Variants in SCRG1 observed in about 807,000 individuals in gnomAD.
SCRG1 encodes scrapie-responsive protein 1.
In SCRG1, 3 loss-of-function variants were observed where a neutral mutation model predicts 7.7. The ratio of observed to expected loss-of-function variants is 0.39; its 90% CI spans 0.18 to 1.01. The LOEUF (loss-of-function observed/expected upper bound fraction) is 1.01, where lower values mean the gene tolerates loss of function less well. Among genes scored for constraint, SCRG1 ranks in the 50% least tolerant of loss-of-function variants. The pLI, the probability that SCRG1 is intolerant of heterozygous loss-of-function variation, is 0.36. For missense variants in SCRG1, 110 were observed against 117.2 expected (o/e 0.94, Z 0.28); for synonymous variants, 46 against 41.2 (o/e 1.12, Z -0.44).
At chr4:173,455,109 G>T in the SCRG1 span, among the ~76,000 whole-genome samples, 2 of 151,710 alleles carry the variant, frequency 1.3e-5, no homozygotes, top group Non-Finnish European at 2.9e-5. Context: ...ACCCTCTGGG[G>T]GCCTCCCACA....
chr4:173,436,739 C>G, the SCRG1 span, among the ~76,000 whole-genome samples: 450 of 152,172 alleles, frequency 3.0e-3, no homozygotes, highest in African/African-American at 0.01. Context: ...TTGTAGGGTA[C>G]GTTTACCTGT....
chr4:173,442,474 A>G, the SCRG1 span, among the ~76,000 whole-genome samples: 1 of 152,114 alleles, frequency 6.6e-6, no homozygotes, highest in Non-Finnish European at 1.5e-5. Flanking sequence ...ATCTCATGGA[A>G]CTCACGAGAT....
upstream of SCRG1, among the ~76,000 whole-genome samples, chr4:173,410,839 T>C (rs1415990838): frequency 6.6e-6 from 1 of 152,214 alleles, no homozygotes; most frequent in African/African-American, 2.4e-5. Flanking sequence ...TAGAAAATGC[T>C]TCTTCGGTGA....
chr4:173,484,405 TATAC>T, the SCRG1 span, among the ~76,000 whole-genome samples: 2 of 75,974 alleles, frequency 2.6e-5, no homozygotes, highest in African/African-American at 5.5e-5. Flanking sequence ...TTATATATTA[TATAC>T]ATATAATATA....
chr4:173,482,169 G>C, the SCRG1 span, among the ~76,000 whole-genome samples: 1 of 152,132 alleles, frequency 6.6e-6, no homozygotes, highest in Non-Finnish European at 1.5e-5. Flanking sequence ...ATGGGACTGG[G>C]AGTTATAAAA....
the SCRG1 span, among the ~76,000 whole-genome samples, chr4:173,484,932 T>A: frequency 5.0e-5 from 3 of 59,518 alleles, no homozygotes; most frequent in African/African-American, 2.1e-4. Flanking sequence ...TATTATATAT[T>A]ATATTATATA....
At chr4:173,451,144 C>T in the SCRG1 span, among the ~76,000 whole-genome samples, 3 of 151,906 alleles carry the variant, frequency 2.0e-5, no homozygotes, top group South Asian at 6.3e-4. Context: ...AGAAGTCAGG[C>T]AGAGATTCCT....
the SCRG1 span, among the ~76,000 whole-genome samples, chr4:173,446,884 A>T: frequency 3.3e-5 from 5 of 152,224 alleles, no homozygotes; most frequent in African/African-American, 1.2e-4. Context: ...AGAATGACTG[A>T]CGGACTATGG....
intron 1 of SCRG1, among the ~76,000 whole-genome samples, chr4:173,397,030 G>A (rs1026944282): frequency 3.3e-5 from 5 of 152,242 alleles, no homozygotes; most frequent in East Asian, 3.9e-4. Context: ...TCCAGCCTGC[G>A]CGATGGAGCC....
At chr4:173,483,594 A>T in the SCRG1 span, among the ~76,000 whole-genome samples, 1 of 77,264 alleles carries the variant, frequency 1.3e-5, no homozygotes, top group Non-Finnish European at 2.3e-5. Context: ...GATATATTAT[A>T]TTGTGATATA....
chr4:173,396,902 A>C (rs1181565311), intron 1 of SCRG1, among the ~76,000 whole-genome samples: 1 of 151,746 alleles, frequency 6.6e-6, no homozygotes, highest in East Asian at 1.9e-4. Context: ...AAAATACAAA[A>C]ATTAGCTGAG....
At chr4:173,396,741 T>TGTGTGTGAGA (rs1553964621) in intron 1 of SCRG1, among the ~76,000 whole-genome samples, 2 of 145,642 alleles carry the variant, frequency 1.4e-5, no homozygotes, top group African/African-American at 5.1e-5. Flanking sequence ...TGTGTGTGTG[T>TGTGTGTGAGA]GTGTGTGTAT....
chr4:173,463,823 G>T, the SCRG1 span, among the ~76,000 whole-genome samples: 1,570 of 152,198 alleles, frequency 0.01, 38 homozygotes, highest in African/African-American at 0.036. Context: ...TGGGGAGAAG[G>T]AGCTGAGTGG....
At chr4:173,418,521 T>C in the SCRG1 span, among the ~76,000 whole-genome samples, 3 of 152,218 alleles carry the variant, frequency 2.0e-5, no homozygotes, top group African/African-American at 7.2e-5. Flanking sequence ...ATTGAGAATT[T>C]GGTGTTGTTT....
the SCRG1 span, among the ~76,000 whole-genome samples, chr4:173,471,953 C>T: frequency 1.3e-5 from 2 of 152,154 alleles, no homozygotes; most frequent in African/African-American, 4.8e-5. Context: ...AGGTGATCTG[C>T]CCACCTTGGT....
Position 173,396,604 on chromosome 4 carries a change from C to T in SCRG1, c.-15+2464G>A, listed in dbSNP as rs116951258. On this transcript the variant is annotated intron_variant, in intron 1 of 2. Coordinates refer to ENST00000296506, the MANE Select transcript of SCRG1 (RefSeq NM_007281.4). Reference sequence around the variant, plus strand: ...AATAAGTAAGTAAATTGCCATACCACATACCTCTTCTGTGTTCATGCCAGA... The same window carrying T: ...AATAAGTAAGTAAATTGCCATACCATATACCTCTTCTGTGTTCATGCCAGA... 9.2e-5 allele frequency among the ~76,000 whole-genome samples: 14 copies of T among 152,254 alleles called. No individual in the cohort carries two copies. The East Asian group carries it at 2.1e-3, about 23-fold the overall frequency.
chr4:173,508,738 C>T, the SCRG1 span, among the ~76,000 whole-genome samples: 1 of 152,160 alleles, frequency 6.6e-6, no homozygotes, highest in Non-Finnish European at 1.5e-5. This position sits in a 1 kb window ranked among gnomAD's most constrained non-coding sequence, Gnocchi z 4.4. Context: ...TGGACATCGC[C>T]GCCTCATTCT....
the SCRG1 span, among the ~76,000 whole-genome samples, chr4:173,493,684 T>G: frequency 6.6e-6 from 1 of 151,952 alleles, no homozygotes; most frequent in Non-Finnish European, 1.5e-5. Flanking sequence ...GAGTGCTCTA[T>G]GTGTTTGTGT....
At chr4:173,503,243 G>A in the SCRG1 span, among the ~76,000 whole-genome samples, 2 of 152,218 alleles carry the variant, frequency 1.3e-5, no homozygotes, top group African/African-American at 4.8e-5. This position sits in a 1 kb window ranked among gnomAD's most constrained non-coding sequence, Gnocchi z 6.4. Flanking sequence ...TGGTGTTCCA[G>A]CTACATCTTG....
Sources: gnomAD v4.1 joint callset for allele counts (sites outside exome capture counted in the v4.1 genomes callset) on GRCh38, gnomAD v4.1.1 for gene constraint, Gnocchi (gnomAD v3.1) non-coding constraint, MANE v1.5 for transcripts, NCBI Gene and HGNC (gene_info 2026-07-23, HGNC 2026-07-21) for gene names.